Variants in NELL1 observed in about 807,000 individuals in gnomAD.
The protein encoded by NELL1 is neural EGFL like 1, also known as protein kinase C-binding protein NELL1.
In NELL1, 76 loss-of-function variants were observed where a neutral mutation model predicts 107.4. The ratio of observed to expected loss-of-function variants is 0.71; its 90% CI spans 0.59 to 0.86. The LOEUF (loss-of-function observed/expected upper bound fraction) is 0.86, where lower values mean the gene tolerates loss of function less well. Ranked by LOEUF, NELL1 falls within the 40% of genes least tolerant of loss-of-function variation. The probability of loss-of-function intolerance (pLI) is 0.00; values close to 1 mark genes in which losing one functional copy is unlikely to be tolerated. For synonymous variants in NELL1, 353 were observed against 341.2 expected (o/e 1.03, Z -0.38); for missense variants, 1,024 against 1,005.5 (o/e 1.02, Z -0.25).
In NELL1 at chr11:21,182,413, T is replaced by C. The variant is rs1193327065; in HGVS notation, c.1427-46919T>C. ...TCACGCCACTGCACTGCAGCCTGGG[T>C]GACAGAGTGAGACTCCGTCTCAAAA... is the stretch of plus-strand genomic sequence containing the variant. On this transcript the variant is annotated intron_variant, in intron 13 of 19. Transcript: ENST00000357134. Among the ~76,000 whole-genome samples, 4 of 143,434 alleles carry C rather than the reference T, an allele frequency of 2.8e-5. 1 individual carries two copies. Among genetic ancestry groups the C allele is most frequent in the African/African-American group, 5.3e-5 (2 of 38,064 alleles). 94.1% of individuals were successfully genotyped at this position (143,434 alleles called of 152,430 possible). A position where few individuals can be genotyped will look rare whatever the true frequency, so the allele number is the denominator to read the frequency against.
chr11:21,483,994 T>TATAC (rs1290886258), intron 15 of NELL1, among the ~76,000 whole-genome samples: 3 of 29,558 alleles, frequency 1.0e-4, no homozygotes, highest in Non-Finnish European at 2.2e-4. Context: ...ACTTAACATA[T>TATAC]ATATATATAT....
intron 12 of NELL1, among the ~76,000 whole-genome samples, chr11:21,102,746 G>A (rs978095981): frequency 1.1e-4 from 17 of 152,024 alleles, no homozygotes; most frequent in African/African-American, 2.7e-4. Context: ...GGTGTTTTCC[G>A]TTCCACCTTT....
intron 15 of NELL1, among the ~76,000 whole-genome samples, chr11:21,490,931 T>C (rs965611373): frequency 2.0e-5 from 3 of 152,036 alleles, no homozygotes; most frequent in Admixed American, 6.6e-5. Context: ...CAGACAACTA[T>C]AACAAAAATA....
chr11:21,356,035 G>A (rs920031177), intron 14 of NELL1, among the ~76,000 whole-genome samples: 16 of 152,074 alleles, frequency 1.1e-4, no homozygotes, highest in Admixed American at 5.9e-4. Context: ...GTGATCACCC[G>A]TTATATGTCA....
intron 3 of NELL1, among the ~76,000 whole-genome samples, chr11:20,822,286 A>T (rs141061102): frequency 5.7e-4 from 87 of 152,338 alleles, no homozygotes; most frequent in Non-Finnish European, 9.3e-4. Context: ...CTCAGAGAGC[A>T]CTTGGGTAAT....
intron 15 of NELL1, among the ~76,000 whole-genome samples, chr11:21,502,241 T>C (rs1855162215): frequency 6.6e-6 from 1 of 152,200 alleles, no homozygotes; most frequent in Non-Finnish European, 1.5e-5. Flanking sequence ...ATAAATAGTC[T>C]TGATTGAGAG....
chr11:21,148,110 A>G (rs933212282), intron 13 of NELL1, among the ~76,000 whole-genome samples: 3 of 152,166 alleles, frequency 2.0e-5, no homozygotes, highest in Non-Finnish European at 4.4e-5. Context: ...GAATACAGAA[A>G]GAGCTTGACA....
chr11:20,897,089 G>T (rs569825628), intron 5 of NELL1, among the ~76,000 whole-genome samples: 10 of 152,152 alleles, frequency 6.6e-5, no homozygotes, highest in Non-Finnish European at 1.0e-4. Context: ...AACTAAAAAA[G>T]AGCCCGCATT....
At chr11:20,701,278 CA>C (rs1233950989) in intron 2 of NELL1, among the ~76,000 whole-genome samples, 2 of 152,086 alleles carry the variant, frequency 1.3e-5, no homozygotes, top group East Asian at 3.9e-4. Flanking sequence ...AGCATTTTTT[CA>C]TGTGTCTTTT....
At chr11:21,145,781 G>A (rs959114208) in intron 13 of NELL1, among the ~76,000 whole-genome samples, 2 of 152,162 alleles carry the variant, frequency 1.3e-5, no homozygotes, top group African/African-American at 2.4e-5. Context: ...TATCAGGGTC[G>A]TGGGCCAGAA....
At chr11:21,260,268 G>A (rs1399032571) in intron 14 of NELL1, 1 of 145,174 alleles carries the variant, frequency 6.9e-6, no homozygotes, top group African/African-American at 2.7e-5. Flanking sequence ...GTAAGTGTTA[G>A]TTTTCTGTTC....
At chr11:20,753,602 C>G (rs547954875) in intron 2 of NELL1, among the ~76,000 whole-genome samples, 2 of 152,286 alleles carry the variant, frequency 1.3e-5, no homozygotes, top group African/African-American at 4.8e-5. Context: ...AAACCAGGGC[C>G]AAGTCTAAAA....
intron 15 of NELL1, among the ~76,000 whole-genome samples, chr11:21,468,413 G>A (rs1434017669): frequency 6.6e-6 from 1 of 151,856 alleles, no homozygotes; most frequent in Non-Finnish European, 1.5e-5. Flanking sequence ...GTTATGTAAT[G>A]ATTCTCATTT....
chr11:21,506,132 T>C lies in NELL1; in HGVS notation c.1646-28242T>C, dbSNP rs150806369. On this transcript the variant is annotated intron_variant, in intron 15 of 19. Transcript: ENST00000357134. ...AGTATCCTATCTTAAAATAATGATA[T>C]TGTTAAAAGGCCAGCATCCAATGTG... Among the ~76,000 whole-genome samples, 583 of 152,316 alleles carry C rather than the reference T, an allele frequency of 3.8e-3. 3 individuals carry two copies. Among genetic ancestry groups the C allele is most frequent in the African/African-American group, 0.014 (568 of 41,576 alleles).
At chr11:20,751,709 TG>T (rs139502362) in intron 2 of NELL1, among the ~76,000 whole-genome samples, 5,223 of 152,232 alleles carry the variant, frequency 0.034, 289 homozygotes, top group African/African-American at 0.12. Context: ...AGGCTGGTTT[TG>T]AGCTCCTGGC....
chr11:21,362,972 GGT>G (rs1851119791), intron 14 of NELL1, among the ~76,000 whole-genome samples: 1 of 144,220 alleles, frequency 6.9e-6, no homozygotes, highest in Non-Finnish European at 1.5e-5. Flanking sequence ...GATAGCGAGA[GGT>G]CTCACCCAGC....
At chr11:20,881,134 A>G (rs1487844372) in intron 4 of NELL1, among the ~76,000 whole-genome samples, 1 of 152,176 alleles carries the variant, frequency 6.6e-6, no homozygotes, top group African/African-American at 2.4e-5. Flanking sequence ...TTTCCTTCTG[A>G]TAAGTAAGCC....
chr11:20,951,133 G>C (rs1851060975), intron 11 of NELL1, among the ~76,000 whole-genome samples: 2 of 152,184 alleles, frequency 1.3e-5, no homozygotes, highest in Non-Finnish European at 2.9e-5. Context: ...AACTTCCAGA[G>C]AGTGGATTTT....
intron 2 of NELL1, among the ~76,000 whole-genome samples, chr11:20,780,277 G>T: frequency 6.6e-6 from 1 of 152,122 alleles, no homozygotes. Flanking sequence ...AAGAAGTGGG[G>T]TTTATTTAGC....
Sources: allele counts gnomAD v4.1 joint callset (sites outside exome capture counted in the v4.1 genomes callset), GRCh38; gene constraint gnomAD v4.1.1; transcripts MANE v1.5; gene names NCBI Gene and HGNC (gene_info 2026-07-23, HGNC 2026-07-21).